Variants in LHX4 observed in about 807,000 individuals in gnomAD.
The protein encoded by LHX4 is LIM/homeobox protein Lhx4.
LHX4 carries 16 observed loss-of-function variants against 39.2 expected under a neutral mutation model. The ratio of observed to expected loss-of-function variants is 0.41; its 90% CI spans 0.28 to 0.62. The LOEUF (loss-of-function observed/expected upper bound fraction) is 0.62, where lower values mean the gene tolerates loss of function less well. Among genes scored for constraint, LHX4 ranks in the 20% least tolerant of loss-of-function variants. LHX4 has a pLI of 0.33. For synonymous variants in LHX4, 206 were observed against 198.1 expected (o/e 1.04, Z -0.33); for missense variants, 439 against 511.9 (o/e 0.86, Z 1.37).
intron 3 of LHX4, chr1:180,270,598 T>A (rs1648588078): frequency 6.5e-6 from 1 of 153,040 alleles, no homozygotes; most frequent in Non-Finnish European, 1.5e-5. Context: ...TCTAGGACTT[T>A]GTGTTGATCA....
intron 2 of LHX4, among the ~76,000 whole-genome samples, chr1:180,255,057 C>T (rs925729139): frequency 3.3e-5 from 5 of 152,222 alleles, no homozygotes; most frequent in Non-Finnish European, 7.3e-5. Context: ...GATGCTCTCC[C>T]TCCCTGTGTG....
chr1:180,262,094 A>C (rs1318552595), intron 2 of LHX4, among the ~76,000 whole-genome samples: 1 of 152,058 alleles, frequency 6.6e-6, no homozygotes, highest in Non-Finnish European at 1.5e-5. Context: ...TCCATGCAAA[A>C]TGGTTTCCTA....
chr1:180,260,459 G>A lies in LHX4; in HGVS notation c.249-5933G>A, dbSNP rs541317823. 1.2e-4 allele frequency among the ~76,000 whole-genome samples: 18 copies of A among 151,836 alleles called. No homozygotes were observed. The South Asian group carries it at 3.7e-3, about 32-fold the overall frequency. ...CACTGGTGAGCAGCCCAGCCAGGTGGTCGGGAGCAGCAGGGGTGGACAAAT... is the reference window on the plus strand; with the variant it reads ...CACTGGTGAGCAGCCCAGCCAGGTGATCGGGAGCAGCAGGGGTGGACAAAT... On this transcript the variant is annotated intron_variant, in intron 2 of 5. Coordinates refer to ENST00000263726, the MANE Select transcript of LHX4 (RefSeq NM_033343.4).
Position 180,243,270 on chromosome 1 carries a change from TGA to T in LHX4, c.77-5013_77-5012del. ...TCCTAAAGTGCCAGGATTACAGATG[TGA>T]GCCACTGTACCTCTGTAAGGGGAGG... On this transcript the variant is annotated intron_variant, in intron 1 of 5. Coordinates refer to ENST00000263726, the MANE Select transcript of LHX4 (RefSeq NM_033343.4). 3.3e-5 allele frequency among the ~76,000 whole-genome samples: 5 copies of T among 152,176 alleles called. 1 individual carries two copies. Among genetic ancestry groups the T allele is most frequent in the African/African-American group, 1.2e-4 (5 of 41,534 alleles).
intron 3 of LHX4, chr1:180,270,158 G>GCTGA (rs1648553588): frequency 6.6e-6 from 1 of 152,266 alleles, no homozygotes; most frequent in Admixed American, 6.5e-5. Context: ...AGCCAGGTCT[G>GCTGA]CTGACTCCAG....
intron 2 of LHX4, among the ~76,000 whole-genome samples, chr1:180,256,389 G>A (rs1269500600): frequency 6.6e-6 from 1 of 152,160 alleles, no homozygotes; most frequent in African/African-American, 2.4e-5. Context: ...GGAGGCCTTC[G>A]TGTCTCTGGA....
rs1425642685 is a variant in LHX4 at position 180,276,961 on chromosome 1, C to CTAA, written c.*2388_*2390dup. The CTAA allele has an allele frequency of 1.3e-5, 2 of 152,234 alleles. No individual in the cohort carries two copies. The highest frequency in any genetic ancestry group is 4.8e-5 in the African/African-American group (2 of 41,516). The allele number at this position is 152,234 out of a possible 1,614,324, so 9.4% of individuals were successfully genotyped here. A position where few individuals can be genotyped will look rare whatever the true frequency, so the allele number is the denominator to read the frequency against. Reference sequence around the variant, plus strand: ...GAAGGAGAGGCCTTCCTCATTTATACTAATAATATAATAAATCTCTTGAGG... The same window carrying CTAA: ...GAAGGAGAGGCCTTCCTCATTTATACTAATAATAATATAATAAATCTCTTGAGG... On this transcript the variant is annotated 3_prime_UTR_variant, in exon 6 of 6. Transcript: ENST00000263726.
At chr1:180,256,627 G>A (rs1435039269) in intron 2 of LHX4, among the ~76,000 whole-genome samples, 9 of 152,218 alleles carry the variant, frequency 5.9e-5, no homozygotes, top group African/African-American at 1.7e-4. Flanking sequence ...AAGAGCATAG[G>A]TGACAGGATT....
chr1:180,251,104 G>A (rs1266354921), intron 2 of LHX4, among the ~76,000 whole-genome samples: 5 of 152,140 alleles, frequency 3.3e-5, no homozygotes, highest in Admixed American at 1.3e-4. Context: ...GGGCCTTCCC[G>A]CCAGGTGAGC....
intron 1 of LHX4, among the ~76,000 whole-genome samples, chr1:180,242,829 T>C (rs2149254730): frequency 6.6e-6 from 1 of 152,332 alleles, no homozygotes; most frequent in East Asian, 1.9e-4. Context: ...CGACTCCTCA[T>C]ATTGAGTTGA....
chr1:180,268,371 T>C (rs559814788), intron 3 of LHX4, among the ~76,000 whole-genome samples: 4 of 152,340 alleles, frequency 2.6e-5, no homozygotes, highest in South Asian at 2.1e-4. Flanking sequence ...GAAACAGATG[T>C]AGATTGGTCA....
intron 2 of LHX4, among the ~76,000 whole-genome samples, chr1:180,263,302 G>T (rs1170153193): frequency 2.0e-5 from 3 of 152,254 alleles, no homozygotes; most frequent in African/African-American, 7.2e-5. Flanking sequence ...CAAGTCATGT[G>T]ACCTGCCAGG....
chr1:180,274,516 C>T lies in LHX4; in HGVS notation c.1110C>T (p.Gly370=), dbSNP rs896529253. 1 of 1,608,270 alleles carries T rather than the reference C, an allele frequency of 6.2e-7. No homozygotes were observed. Among genetic ancestry groups the T allele is most frequent in the Non-Finnish European group, 8.5e-7 (1 of 1,176,718 alleles). ...ACATCTCCACAGGAAGCAGTGTAGGCTATCCCGACTTTCCAACTAGCCCAG... is the reference window on the plus strand; with the variant it reads ...ACATCTCCACAGGAAGCAGTGTAGGTTATCCCGACTTTCCAACTAGCCCAG... ...TSDISTGSSV[G]YPDFPTSPGS... Residue 370 remains glycine, a synonymous_variant, in exon 6 of 6, where the codon GGC becomes GGT. Transcript: ENST00000263726.
chr1:180,249,911 C>G (rs1253093786), intron 2 of LHX4, among the ~76,000 whole-genome samples: 2 of 151,000 alleles, frequency 1.3e-5, no homozygotes, highest in Admixed American at 1.3e-4. Context: ...GTGTGTGTGA[C>G]AGTGTGTGTG....
chr1:180,234,210 TATATATATATA>T lies in LHX4; in HGVS notation c.76+3609_76+3619del, dbSNP rs1558207243. ...ATATATATATATATATATATATATA[TATATATATATA>T]ATAGATTGAGATTCTATCATATTCC... On this transcript the variant is annotated intron_variant, in intron 1 of 5. Transcript: ENST00000263726. This position sits in a 1 kb window ranked among gnomAD's most constrained non-coding sequence, Gnocchi z 4.8. Among the ~76,000 whole-genome samples, 14 of 63,316 alleles carry T rather than the reference TATATATATATA, an allele frequency of 2.2e-4. 1 individual carries two copies. Among genetic ancestry groups the T allele is most frequent in the African/African-American group, 1.0e-3 (14 of 13,568 alleles). The allele number at this position is 63,316 out of a possible 152,430, so 41.5% of individuals were successfully genotyped here.
chr1:180,230,185 G>A, upstream of LHX4: 1 of 389,870 alleles, frequency 2.6e-6, no homozygotes, highest in Non-Finnish European at 4.8e-6. The surrounding 1 kb of genome is among the most constrained non-coding windows in gnomAD (Gnocchi z 5.8). Context: ...GGGTGACCGC[G>A]GCCTCCCGGG....
At position 180,278,827 on chromosome 1, in the gene LHX4, A is replaced by G. The variant is rs534340076; in HGVS notation, c.*4248A>G. The G allele has an allele frequency of 6.7e-6, 1 of 149,558 alleles. No individual in the cohort carries two copies. The highest frequency in any genetic ancestry group is 1.9e-4 in the East Asian group (1 of 5,176). 9.3% of individuals were successfully genotyped at this position (149,558 alleles called of 1,614,324 possible). On this transcript the variant is annotated 3_prime_UTR_variant, in exon 6 of 6. Coordinates refer to ENST00000263726, the MANE Select transcript of LHX4 (RefSeq NM_033343.4). ...TGAAGTCTCGTTTCCTGGGGAAAAA[A>G]AAGAAAAAAAGAAAAAAAAAAGACC... is the stretch of plus-strand genomic sequence containing the variant.
chr1:180,247,432 C>T (rs750475232), intron 1 of LHX4, among the ~76,000 whole-genome samples: 10 of 152,218 alleles, frequency 6.6e-5, no homozygotes, highest in Non-Finnish European at 1.3e-4. Context: ...TTCACTGCTT[C>T]TGCTGTGACT....
chr1:180,248,782 A>T (rs1402548925), intron 2 of LHX4: 1 of 392,298 alleles, frequency 2.5e-6, no homozygotes, highest in African/African-American at 2.1e-5. Flanking sequence ...CAACAGAAAG[A>T]GTTGCTCTTT....
Sources: gnomAD v4.1 joint callset for allele counts (sites outside exome capture counted in the v4.1 genomes callset) on GRCh38, gnomAD v4.1.1 for gene constraint, Gnocchi (gnomAD v3.1) non-coding constraint, MANE v1.5 for transcripts, NCBI Gene and HGNC (gene_info 2026-07-23, HGNC 2026-07-21) for gene names.